Variants in PGD observed in about 807,000 individuals in gnomAD.
PGD encodes 6-phosphogluconate dehydrogenase, decarboxylating.
A neutral mutation model predicts 60.4 loss-of-function variants in PGD; 21 were observed. That is an observed-to-expected ratio of 0.35 (90% CI 0.25 to 0.50). The LOEUF is 0.50. PGD is among the 20% of genes least tolerant of loss of function. The pLI is 0.98. For synonymous variants in PGD, 230 were observed against 235.9 expected (o/e 0.97, Z 0.23); for missense variants, 477 against 613.1 (o/e 0.78, Z 2.34).
intron 10 of PGD, among the ~76,000 whole-genome samples, chr1:10,417,712 C>T (rs1639620470): frequency 6.6e-6 from 1 of 151,528 alleles, no homozygotes; most frequent in East Asian, 1.9e-4. Context: ...CACACTACAC[C>T]TTTTTTTTTC....
chr1:10,400,333 G>A, intron 2 of PGD, 60 bp from the exon 3 acceptor site: 1 of 1,297,036 alleles, frequency 7.7e-7, no homozygotes. Flanking sequence ...TGTTACTTTG[G>A]CCACAGTCTG....
At position 10,419,977 on chromosome 1, in the gene PGD, A is replaced by T. The variant is rs1276106279; in HGVS notation, c.*228A>T. On this transcript the variant is annotated 3_prime_UTR_variant, in exon 13 of 13. Coordinates refer to ENST00000270776, the MANE Select transcript of PGD (RefSeq NM_002631.4). ...ACCAGGAGCTGCTCATGTGCGTGAG[A>T]GTGGGAACCATCTCCTTGCGGCAGT... 4.1e-5 allele frequency: 22 copies of T among 533,468 alleles called. No homozygotes were observed. The East Asian group carries it at 6.3e-4, about 15-fold the overall frequency. The allele number at this position is 533,468 out of a possible 1,614,324, so 33.0% of individuals were successfully genotyped here. A position where few individuals can be genotyped will look rare whatever the true frequency, so the allele number is the denominator to read the frequency against.
intron 6 of PGD, among the ~76,000 whole-genome samples, chr1:10,410,986 G>GA (rs945321005): frequency 8.7e-5 from 13 of 150,112 alleles, no homozygotes; most frequent in East Asian, 7.9e-4. Context: ...TTTATATTTT[G>GA]AAAAAAAACA....
At chr1:10,406,368 A>G (rs1327543888) in intron 5 of PGD, among the ~76,000 whole-genome samples, 5 of 151,984 alleles carry the variant, frequency 3.3e-5, no homozygotes, top group Non-Finnish European at 7.4e-5. Context: ...TGGACAACAT[A>G]GCAAGACCCT....
At chr1:10,417,601 G>A (rs185518860) in intron 10 of PGD, 92 bp downstream of exon 10, 15 of 1,328,118 alleles carry the variant, frequency 1.1e-5, no homozygotes. Context: ...GCAGTTTCCA[G>A]GGATGGGCAC....
intron 7 of PGD, among the ~76,000 whole-genome samples, chr1:10,412,483 C>G (rs1639515586): frequency 6.6e-6 from 1 of 152,132 alleles, no homozygotes; most frequent in South Asian, 2.1e-4. Context: ...GTTAATTGTT[C>G]TTTCTAAAAC....
In PGD at chr1:10,413,211, C is replaced by T. The variant is rs1354097675; in HGVS notation, c.804C>T (p.Ala268=). The T allele has an allele frequency of 5.0e-6, 8 of 1,614,076 alleles. No homozygotes were observed. In the African/African-American group the frequency reaches 1.1e-4, roughly 22 times the overall value. ...AGQKGTGKWT[A]ISALEYGVPV... ...AGAAGGGCACAGGGAAGTGGACCGC[C>T]ATCTCCGCCCTGGAATACGGCGTAC... The change falls in exon 8 of 13, where the codon GCC becomes GCT. Residue 268 remains alanine, a synonymous_variant. Coordinates refer to ENST00000270776, the MANE Select transcript of PGD (RefSeq NM_002631.4).
chr1:10,411,616 G>A (rs1639502607), intron 7 of PGD, 64 bp downstream of exon 7: 2 of 1,593,440 alleles, frequency 1.3e-6, no homozygotes, highest in Non-Finnish European at 8.6e-7. Flanking sequence ...CACAGACACC[G>A]AATCTTTTCT....
At chr1:10,411,969 C>A (rs4846221) in intron 7 of PGD, among the ~76,000 whole-genome samples, 75,178 of 152,028 alleles carry the variant, frequency 0.49, 18,806 homozygotes, top group African/African-American at 0.55. Flanking sequence ...TTTATTATGA[C>A]AATATTCAAC....
At chr1:10,403,612 A>G (rs1224080147) in intron 4 of PGD, among the ~76,000 whole-genome samples, 1 of 150,538 alleles carries the variant, frequency 6.6e-6, no homozygotes, top group Non-Finnish European at 1.5e-5. Flanking sequence ...AAAAAAAAAG[A>G]CACTTGGTGG....
intron 4 of PGD, 144 bp from the exon 5 acceptor site, chr1:10,404,017 G>T: frequency 3.1e-6 from 2 of 644,104 alleles, no homozygotes; most frequent in Non-Finnish European, 5.5e-6. Flanking sequence ...CTAGATCCTT[G>T]GGTCATTTCC....
chr1:10,399,537 A>G (rs1363516189), intron 1 of PGD, 92 bp from the exon 2 acceptor site: 10 of 1,148,516 alleles, frequency 8.7e-6, no homozygotes, highest in Non-Finnish European at 1.3e-5. Flanking sequence ...GCAGACTCCC[A>G]GTCACGGCCA....
chr1:10,411,540 C>G lies in PGD; in HGVS notation c.642C>G (p.Asp214Glu), dbSNP rs368236513. 32 of 1,613,914 alleles carry G rather than the reference C, an allele frequency of 2.0e-5. No homozygotes were observed. The highest frequency in any genetic ancestry group is 2.5e-5 in the Non-Finnish European group (30 of 1,179,946). The change falls in exon 7 of 13, where the codon GAC (aspartate) becomes GAG (glutamate). Residue 214 changes from aspartate (D) to glutamate (E), a missense_variant. This residue lies in a region of PGD where 431 missense variants were observed against 556.6 expected (regional missense o/e 0.77). Coordinates refer to ENST00000270776, the MANE Select transcript of PGD (RefSeq NM_002631.4). Reference sequence around the variant, plus strand: ...AAGACGTGCTGGGCATGGCGCAGGACGAGATGGCCCAGGTGAGGCCCCGGC... The same window carrying G: ...AAGACGTGCTGGGCATGGCGCAGGAGGAGATGGCCCAGGTGAGGCCCCGGC... ...LMKDVLGMAQDEMAQAFEDWN... is the reference protein window; with the variant it reads ...LMKDVLGMAQEEMAQAFEDWN...
intron 1 of PGD, 87 bp downstream of exon 1, chr1:10,399,212 G>C (rs1639266130): frequency 2.0e-6 from 3 of 1,484,314 alleles, no homozygotes; most frequent in Non-Finnish European, 2.8e-6. Flanking sequence ...TCTCTCCGAC[G>C]CCTCCCACCC....
rs774104656 is a variant in PGD at position 10,418,854 on chromosome 1, T to C, written c.1138T>C (p.Phe380Leu). The change falls in exon 11 of 13, where the codon TTT becomes CTT. Residue 380 changes from phenylalanine (F) to leucine (L), a missense_variant. Transcript: ENST00000270776. ...ATTCCTAGGAAAGATAAAGGATGCATTTGATCGAAACCCGGAACTTCAGAA... is the reference window on the plus strand; with the variant it reads ...ATTCCTAGGAAAGATAAAGGATGCACTTGATCGAAACCCGGAACTTCAGAA... ...SVFLGKIKDA[F>L]DRNPELQNLL... 8 of 1,608,544 alleles carry C rather than the reference T, an allele frequency of 5.0e-6. No homozygotes were observed. The East Asian group carries it at 1.6e-4, about 31-fold the overall frequency.
At chr1:10,405,405 C>CAT (rs751650671) in intron 5 of PGD, among the ~76,000 whole-genome samples, 1 of 147,202 alleles carries the variant, frequency 6.8e-6, no homozygotes, top group African/African-American at 2.5e-5. Context: ...AAAAAATACA[C>CAT]ACACACACAC....
rs761525951 is a variant in PGD at position 10,411,572 on chromosome 1, T to A, written c.654+20T>A. On this transcript the variant is annotated intron_variant, in intron 7 of 12. Coordinates refer to ENST00000270776, the MANE Select transcript of PGD (RefSeq NM_002631.4). ...GCCCAGGTGAGGCCCCGGCACTGCC[T>A]CTGTGTCCGTTCTGCAGGGAGTGCT... 1.2e-6 allele frequency: 2 copies of A among 1,613,650 alleles called. No homozygotes were observed. The highest frequency in any genetic ancestry group is 1.7e-6 in the Non-Finnish European group (2 of 1,179,786).
intron 8 of PGD, 22 bp from the exon 9 acceptor site, chr1:10,416,965 T>G: frequency 6.2e-7 from 1 of 1,611,000 alleles, no homozygotes; most frequent in East Asian, 2.2e-5. Context: ...ATCTGTTTCC[T>G]CTTCCCGATC....
At chr1:10,418,441 G>A (rs184006089) in intron 10 of PGD, among the ~76,000 whole-genome samples, 25 of 152,150 alleles carry the variant, frequency 1.6e-4, no homozygotes, top group Admixed American at 8.5e-4. Flanking sequence ...TTTCACTAGG[G>A]TATACATCGG....
Sources: gnomAD v4.1 joint callset for allele counts (sites outside exome capture counted in the v4.1 genomes callset) on GRCh38, gnomAD v4.1.1 for gene constraint, gnomAD v4.1.1 regional missense constraint, MANE v1.5 for transcripts, NCBI Gene and HGNC (gene_info 2026-07-23, HGNC 2026-07-21) for gene names.